Variants in COL21A1 observed in about 807,000 individuals in gnomAD.
The protein encoded by COL21A1 is collagen type XXI alpha 1 chain.
COL21A1 carries 149 observed loss-of-function variants against 137.9 expected under a neutral mutation model. The ratio of observed to expected loss-of-function variants is 1.08; its 90% CI spans 0.95 to 1.24. COL21A1 has a LOEUF of 1.24. Among genes scored for constraint, COL21A1 ranks in the 50% most tolerant of loss-of-function variants. The probability of loss-of-function intolerance (pLI) is 0.00; values close to 1 mark genes in which losing one functional copy is unlikely to be tolerated. For synonymous variants in COL21A1, 456 were observed against 391.5 expected (o/e 1.16, Z -1.95); for missense variants, 1,167 against 1,158.4 (o/e 1.01, Z -0.11).
chr6:56,096,790 T>A (rs1320433742), intron 17 of COL21A1, among the ~76,000 whole-genome samples: 1 of 152,198 alleles, frequency 6.6e-6, no homozygotes, highest in Non-Finnish European at 1.5e-5. Flanking sequence ...TTAATTTTCT[T>A]GGCTGCCACA....
intron 1 of COL21A1, among the ~76,000 whole-genome samples, chr6:56,279,070 CA>C (rs1358340817): frequency 6.6e-6 from 1 of 152,094 alleles, no homozygotes. Context: ...GTAATTGGAT[CA>C]CAGAGATGTT....
rs1477851531 is a variant in COL21A1 at position 56,101,504 on chromosome 6, C to T, written c.1780G>A (p.Ala594Thr). 1.9e-6 allele frequency: 3 copies of T among 1,594,248 alleles called. No homozygotes were observed. The highest frequency in any genetic ancestry group is 2.6e-6 in the Non-Finnish European group (3 of 1,169,342). ...CCCCGTGTTCCATCCTGCCCCGGAG[C>T]ACCAGGGGATCCTGCTTCTCCCTTT... ...GFKGEAGSPGAPGQDGTRGEP... is the reference protein window; with the variant it reads ...GFKGEAGSPGTPGQDGTRGEP... Residue 594 changes from alanine (A) to threonine (T), a missense_variant, in exon 17 of 30, where the codon GCT (alanine) becomes ACT (threonine). Physicochemically the swap from Ala to Thr is moderately conservative, Grantham distance 58. Transcript: ENST00000244728.
At chr6:56,129,816 CCAAA>C (rs1317395803) in intron 12 of COL21A1, among the ~76,000 whole-genome samples, 1 of 149,356 alleles carries the variant, frequency 6.7e-6, no homozygotes, top group African/African-American at 2.5e-5. Context: ...AACAATTTAC[CCAAA>C]CAGAGGACAA....
In COL21A1 at chr6:56,333,810, A is replaced by T. The variant is rs919732569; in HGVS notation, c.-39+60161T>A. Among the ~76,000 whole-genome samples, 60 of 152,104 alleles carry T rather than the reference A, an allele frequency of 3.9e-4. 3 individuals carry two copies. The highest frequency in any genetic ancestry group is 3.7e-3 in the Admixed American group (56 of 15,244). ...GTGAATCTTTCATGCAGCCATTGTA[A>T]TAGATGAGTGGTGGTATCTACTGCT... On this transcript the variant is annotated intron_variant, in intron 1 of 28. Transcript: ENST00000370819.
intron 9 of COL21A1, among the ~76,000 whole-genome samples, chr6:56,157,807 C>T (rs1043203570): frequency 2.6e-5 from 4 of 152,222 alleles, no homozygotes; most frequent in African/African-American, 9.7e-5. Flanking sequence ...CTCAGATTAA[C>T]ATAATATTAC....
intron 16 of COL21A1, among the ~76,000 whole-genome samples, chr6:56,117,557 G>A (rs1772055079): frequency 1.3e-5 from 2 of 151,960 alleles, no homozygotes; most frequent in Admixed American, 6.6e-5. Flanking sequence ...AGAAACATTA[G>A]ACTTAATCTG....
At chr6:56,315,457 T>C (rs1387230612) in intron 1 of COL21A1, among the ~76,000 whole-genome samples, 2 of 152,108 alleles carry the variant, frequency 1.3e-5, no homozygotes, top group Non-Finnish European at 2.9e-5. Context: ...CAGGAAGAAA[T>C]ACGTAAAAAG....
At chr6:56,216,815 T>C (rs780622583) in intron 1 of COL21A1, among the ~76,000 whole-genome samples, 1 of 152,084 alleles carries the variant, frequency 6.6e-6, no homozygotes. Flanking sequence ...TTTTAAACAA[T>C]GAAAAATCTT....
chr6:56,092,383 TTAAC>T lies in COL21A1; in HGVS notation c.1812+9085_1812+9088del, dbSNP rs577232543. 5.0e-4 allele frequency among the ~76,000 whole-genome samples: 76 copies of T among 152,304 alleles called. 1 individual carries two copies. In the South Asian group the frequency reaches 0.014, roughly 29 times the overall value. Reference sequence around the variant, plus strand: ...TTACGCATACATATTTATATATTGTTTAACTATTATATATAGCACATTAAGTATC... The same window carrying T: ...TTACGCATACATATTTATATATTGTTTATTATATATAGCACATTAAGTATC... On this transcript the variant is annotated intron_variant, in intron 17 of 29. Transcript: ENST00000244728.
intron 1 of COL21A1, among the ~76,000 whole-genome samples, chr6:56,259,683 A>G (rs765544219): frequency 2.0e-5 from 3 of 152,204 alleles, no homozygotes; most frequent in Non-Finnish European, 4.4e-5. Context: ...TATCTTTCAA[A>G]TGTCCTATCA....
At chr6:56,094,489 G>T (rs9296828) in intron 17 of COL21A1, among the ~76,000 whole-genome samples, 1 of 151,926 alleles carries the variant, frequency 6.6e-6, no homozygotes, top group Non-Finnish European at 1.5e-5. Flanking sequence ...ATGTCTACCA[G>T]TAGTCTGTTC....
intron 1 of COL21A1, among the ~76,000 whole-genome samples, chr6:56,242,423 T>C (rs1342903782): frequency 6.6e-6 from 1 of 152,216 alleles, no homozygotes; most frequent in Admixed American, 6.5e-5. Context: ...TCTCTTTTCT[T>C]GGTCCTTAGT....
intron 16 of COL21A1, among the ~76,000 whole-genome samples, chr6:56,123,624 T>A (rs1772745119): frequency 6.6e-6 from 1 of 152,160 alleles, no homozygotes; most frequent in African/African-American, 2.4e-5. Flanking sequence ...CATGTGCCCT[T>A]GAGTTTTTTC....
At chr6:56,288,171 A>G (rs1450739882) in intron 1 of COL21A1, among the ~76,000 whole-genome samples, 1 of 152,132 alleles carries the variant, frequency 6.6e-6, no homozygotes, top group Non-Finnish European at 1.5e-5. Context: ...AGCAAAAGTT[A>G]CATGAAATAA....
Position 56,104,402 on chromosome 6 carries a change from A to AT in COL21A1, c.1759-2878dup, listed in dbSNP as rs1181127439. Among the ~76,000 whole-genome samples the AT allele has an allele frequency of 2.0e-5, 3 of 152,150 alleles. No individual in the cohort carries two copies. The East Asian group carries it at 5.8e-4, about 29-fold the overall frequency. On this transcript the variant is annotated intron_variant, in intron 16 of 29. Transcript: ENST00000244728. Reference sequence around the variant, plus strand: ...ATCTTTACCTAAGAACACTCTCTTCATTTTTTAATAATGGATTTTAATAAT... The same window carrying AT: ...ATCTTTACCTAAGAACACTCTCTTCATTTTTTTAATAATGGATTTTAATAAT...
At chr6:56,084,054 A>G (rs945017334) in intron 17 of COL21A1, among the ~76,000 whole-genome samples, 3 of 151,986 alleles carry the variant, frequency 2.0e-5, no homozygotes, top group African/African-American at 7.2e-5. Context: ...ATTTGAAACC[A>G]AAGTCTGAAT....
intron 9 of COL21A1, among the ~76,000 whole-genome samples, chr6:56,160,021 T>C (rs1776077320): frequency 1.3e-5 from 2 of 151,992 alleles, no homozygotes; most frequent in African/African-American, 4.8e-5. Flanking sequence ...AAGAAGAAAA[T>C]AATTTCTTGT....
At chr6:56,260,680 G>T (rs1264779885) in intron 1 of COL21A1, among the ~76,000 whole-genome samples, 1 of 126,116 alleles carries the variant, frequency 7.9e-6, no homozygotes, top group African/African-American at 3.5e-5. Context: ...AGGAAGGAAG[G>T]AAGGAAGGAA....
intron 3 of COL21A1, among the ~76,000 whole-genome samples, chr6:56,176,367 A>G (rs893728910): frequency 3.3e-5 from 5 of 152,028 alleles, no homozygotes; most frequent in African/African-American, 1.2e-4. Context: ...TTTGCAAACC[A>G]TATATCTGAT....
Sources: allele counts gnomAD v4.1 joint callset (sites outside exome capture counted in the v4.1 genomes callset), GRCh38; gene constraint gnomAD v4.1.1; transcripts MANE v1.5; gene names NCBI Gene and HGNC (gene_info 2026-07-23, HGNC 2026-07-21).